MAN1A1: variants seen among roughly 807,000 people sequenced by gnomAD.
MAN1A1 encodes mannosyl-oligosaccharide 1,2-alpha-mannosidase IA.
A neutral mutation model predicts 70.8 loss-of-function variants in MAN1A1; 29 were observed. That is an observed-to-expected ratio of 0.41 (90% CI 0.31 to 0.56). MAN1A1 has a LOEUF of 0.56. MAN1A1 is among the 20% of genes least tolerant of loss of function. The pLI, the probability that MAN1A1 is intolerant of heterozygous loss-of-function variation, is 0.29. For missense variants in MAN1A1, 747 were observed against 841.3 expected, an observed-to-expected ratio of 0.89 and a Z score of 1.39; for synonymous variants, 349 against 330.1, an observed-to-expected ratio of 1.06 and a Z score of -0.62.
intron 2 of MAN1A1, among the ~76,000 whole-genome samples, chr6:119,342,759 T>TACAA (rs1773630551): frequency 1.3e-5 from 2 of 152,236 alleles, no homozygotes; most frequent in Admixed American, 1.3e-4. Flanking sequence ...AATCATCCTT[T>TACAA]AGGTTAGCTG....
intron 5 of MAN1A1, chr6:119,269,648 C>T (rs73769011): frequency 0.041 from 6,543 of 159,166 alleles, 146 homozygotes; most frequent in African/African-American, 0.054. Flanking sequence ...ACCTGCCTAT[C>T]CAGGACGGCT....
At chr6:119,275,110 T>C (rs1002454542) in intron 5 of MAN1A1, among the ~76,000 whole-genome samples, 1 of 151,712 alleles carries the variant, frequency 6.6e-6, no homozygotes, top group Non-Finnish European at 1.5e-5. Flanking sequence ...AGGTTGCTGC[T>C]AGTTCATTTT....
At chr6:119,181,186 TG>T (rs1237268040) in intron 11 of MAN1A1, among the ~76,000 whole-genome samples, 1 of 152,210 alleles carries the variant, frequency 6.6e-6, no homozygotes, top group African/African-American at 2.4e-5. Context: ...ACTAGCTGGC[TG>T]TCCCCCAAGC....
chr6:119,280,039 C>G (rs1272527916), intron 5 of MAN1A1, among the ~76,000 whole-genome samples: 2 of 152,204 alleles, frequency 1.3e-5, no homozygotes, highest in East Asian at 3.8e-4. Context: ...CTACTAGTTT[C>G]CCTCCTACTT....
chr6:119,229,741 T>G (rs557895307), intron 6 of MAN1A1, among the ~76,000 whole-genome samples: 2 of 152,322 alleles, frequency 1.3e-5, no homozygotes, highest in South Asian at 4.1e-4. Context: ...CCCTCTTCTC[T>G]GTTTTAAAAA....
intron 8 of MAN1A1, 55 bp downstream of exon 8, chr6:119,201,193 CCTCTCT>C (rs1321776699): frequency 8.0e-7 from 1 of 1,254,096 alleles, no homozygotes; most frequent in African/African-American, 1.5e-5. Flanking sequence ...TTTTGTGCTT[CCTCTCT>C]CTCCACGAGT....
chr6:119,345,387 T>C (rs932609957), intron 2 of MAN1A1, among the ~76,000 whole-genome samples: 3 of 152,194 alleles, frequency 2.0e-5, no homozygotes, highest in African/African-American at 4.8e-5. Context: ...ATATACACTA[T>C]GTATGTATCA....
At chr6:119,332,317 C>A (rs1175274961) in intron 2 of MAN1A1, among the ~76,000 whole-genome samples, 1 of 152,110 alleles carries the variant, frequency 6.6e-6, no homozygotes, top group Non-Finnish European at 1.5e-5. Context: ...ACTCTCAGAA[C>A]AGGAAGAATA....
rs1424108453 is a variant in MAN1A1 at position 119,178,121 on chromosome 6, A to C, written c.*1698T>G. 6.6e-6 allele frequency: 1 copy of C among 152,114 alleles called. No individual in the cohort carries two copies. The highest frequency in any genetic ancestry group is 1.9e-4 in the East Asian group (1 of 5,202). The allele number at this position is 152,114 out of a possible 1,614,324, so 9.4% of individuals were successfully genotyped here. A position where few individuals can be genotyped will look rare whatever the true frequency, so the allele number is the denominator to read the frequency against. Reference sequence around the variant, plus strand: ...TTTCATTTACTAATTTTACTAATTTATTCTTTGACATACACCAATGTATGA... The same window carrying C: ...TTTCATTTACTAATTTTACTAATTTCTTCTTTGACATACACCAATGTATGA... On this transcript the variant is annotated 3_prime_UTR_variant, in exon 13 of 13. Coordinates refer to ENST00000368468, the MANE Select transcript of MAN1A1 (RefSeq NM_005907.4).
intron 2 of MAN1A1, among the ~76,000 whole-genome samples, chr6:119,325,847 T>C (rs1773133910): frequency 6.6e-6 from 1 of 152,256 alleles, no homozygotes; most frequent in Admixed American, 6.5e-5. Flanking sequence ...ACAGCATGTT[T>C]GCTTGCCTTC....
chr6:119,249,697 GTCCTGA>G (rs1302126552), intron 5 of MAN1A1, among the ~76,000 whole-genome samples: 1 of 152,144 alleles, frequency 6.6e-6, no homozygotes, highest in Non-Finnish European at 1.5e-5. Context: ...CCTGCTCTAA[GTCCTGA>G]GCCTCTCCAC....
chr6:119,333,440 A>C (rs1359354829), intron 2 of MAN1A1, among the ~76,000 whole-genome samples: 1 of 152,166 alleles, frequency 6.6e-6, no homozygotes, highest in African/African-American at 2.4e-5. Context: ...GACGTGTGTA[A>C]CATATATAAT....
At chr6:119,350,293 C>T (rs1773875944), upstream of MAN1A1, among the ~76,000 whole-genome samples, 1 of 152,180 alleles carries the variant, frequency 6.6e-6, no homozygotes, top group Non-Finnish European at 1.5e-5. Context: ...TTATCCAAGG[C>T]CGGGGTTCCC....
intron 4 of MAN1A1, among the ~76,000 whole-genome samples, chr6:119,298,547 T>C (rs1772287073): frequency 6.6e-6 from 1 of 152,078 alleles, no homozygotes; most frequent in Admixed American, 6.6e-5. Flanking sequence ...AACAATAATG[T>C]TTGTTTCATT....
At chr6:119,245,881 G>A (rs562893989) in intron 6 of MAN1A1, among the ~76,000 whole-genome samples, 90 of 152,052 alleles carry the variant, frequency 5.9e-4, no homozygotes, top group African/African-American at 1.9e-3. Context: ...AAAATACTGC[G>A]CAAAATGAAG....
intron 5 of MAN1A1, among the ~76,000 whole-genome samples, chr6:119,260,038 C>G (rs568036299): frequency 1.3e-5 from 2 of 152,138 alleles, no homozygotes; most frequent in South Asian, 4.1e-4. Context: ...ATGTTTTAAA[C>G]CCATCCCTAC....
intron 4 of MAN1A1, among the ~76,000 whole-genome samples, chr6:119,292,389 C>A (rs1479094141): frequency 6.6e-6 from 1 of 151,848 alleles, no homozygotes; most frequent in African/African-American, 2.4e-5. Context: ...TAGTCAAAAT[C>A]ATGGGATATT....
At chr6:119,211,109 C>T (rs1013933304) in intron 6 of MAN1A1, among the ~76,000 whole-genome samples, 1 of 152,188 alleles carries the variant, frequency 6.6e-6, no homozygotes, top group Non-Finnish European at 1.5e-5. Context: ...CTTAAAATTT[C>T]CCCTTACTTT....
At chr6:119,327,992 T>C (rs1773199775) in intron 2 of MAN1A1, among the ~76,000 whole-genome samples, 1 of 151,972 alleles carries the variant, frequency 6.6e-6, no homozygotes, top group African/African-American at 2.4e-5. Context: ...TAAAACAGAT[T>C]CTCCCCCAGA....
Sources: gnomAD v4.1 joint callset for allele counts (sites outside exome capture counted in the v4.1 genomes callset) on GRCh38, gnomAD v4.1.1 for gene constraint, MANE v1.5 for transcripts, NCBI Gene and HGNC (gene_info 2026-07-23, HGNC 2026-07-21) for gene names.